DYRK1A: variants seen among roughly 807,000 people sequenced by gnomAD.
DYRK1A encodes the protein dual specificity tyrosine-phosphorylation-regulated kinase 1A.
A neutral mutation model predicts 79.7 loss-of-function variants in DYRK1A; 9 were observed. That is an observed-to-expected ratio of 0.11 (90% CI 0.07 to 0.20). The LOEUF is 0.20. Ranked by LOEUF, DYRK1A falls within the 10% of genes least tolerant of loss-of-function variation. The pLI is 1.00. For synonymous variants in DYRK1A, 349 were observed against 329.7 expected (o/e 1.06, Z -0.63); for missense variants, 622 against 956.0 (o/e 0.65, Z 4.61).
At chr21:37,422,596 G>T (rs1202226199) in intron 2 of DYRK1A, among the ~76,000 whole-genome samples, 1 of 152,114 alleles carries the variant, frequency 6.6e-6, no homozygotes, top group Non-Finnish European at 1.5e-5. Flanking sequence ...AGGGATGCTG[G>T]AAAGGACACT....
chr21:37,479,521 G>GT (rs1281070490), intron 4 of DYRK1A, among the ~76,000 whole-genome samples: 3 of 145,058 alleles, frequency 2.1e-5, no homozygotes, highest in Admixed American at 1.4e-4. Flanking sequence ...TAGTTTACCA[G>GT]TTACCTGGAC....
chr21:37,514,931 T>C lies in DYRK1A; in HGVS notation c.*2400T>C, dbSNP rs545205302. 6.5e-6 allele frequency: 1 copy of C among 152,678 alleles called. No individual in the cohort carries two copies. The highest frequency in any genetic ancestry group is 1.9e-4 in the East Asian group (1 of 5,176). The allele number at this position is 152,678 out of a possible 1,614,324, so 9.5% of individuals were successfully genotyped here. A position where few individuals can be genotyped will look rare whatever the true frequency, so the allele number is the denominator to read the frequency against. ...TATTTACGTAAAGAAAATCATAAAA[T>C]CCAATGCTTCTGCATACTGTGTTAT... is the stretch of plus-strand genomic sequence containing the variant. On this transcript the variant is annotated 3_prime_UTR_variant, in exon 12 of 12. Coordinates refer to ENST00000647188, the MANE Select transcript of DYRK1A (RefSeq NM_001347721.2).
At position 37,522,731 on chromosome 21, in the gene DYRK1A, T is replaced by A. The variant is rs2053943133; in HGVS notation, c.*10200T>A. On this transcript the variant is annotated 3_prime_UTR_variant, in exon 12 of 12. Coordinates refer to ENST00000647188, the MANE Select transcript of DYRK1A (RefSeq NM_001347721.2). ...GTTTAATTGTGAAACTAGAATCACT[T>A]CCAGGAAGCTCTGAAGAATCAAGTC... The A allele has an allele frequency of 6.6e-6, 1 of 152,254 alleles. No individual in the cohort carries two copies. The highest frequency in any genetic ancestry group is 1.9e-4 in the East Asian group (1 of 5,198). The allele number at this position is 152,254 out of a possible 1,614,324, so 9.4% of individuals were successfully genotyped here.
rs567792694 is a variant in DYRK1A, at chr21:37,368,306, C to A, written c.-77+678C>A. On this transcript the variant is annotated intron_variant, in intron 1 of 11. Transcript: ENST00000647188. ...GAGGAGAGGTGAATTAGAATAGATA[C>A]CTGTGTATCGCCACAAAACTTCACC... Among the ~76,000 whole-genome samples, 27 of 152,324 alleles carry A rather than the reference C, an allele frequency of 1.8e-4. No individual in the cohort carries two copies. The East Asian group carries it at 4.6e-3, about 26-fold the overall frequency.
intron 2 of DYRK1A, among the ~76,000 whole-genome samples, chr21:37,455,095 A>G (rs1008117921): frequency 2.8e-5 from 4 of 143,852 alleles, no homozygotes; most frequent in African/African-American, 5.3e-5. Flanking sequence ...ACAGGCTCCC[A>G]GGACAATTCT....
At chr21:37,397,284 C>A (rs901608968) in intron 1 of DYRK1A, among the ~76,000 whole-genome samples, 2 of 152,160 alleles carry the variant, frequency 1.3e-5, no homozygotes, top group Non-Finnish European at 1.5e-5. Flanking sequence ...TAGTATATTT[C>A]TGGGGACCCT....
At chr21:37,432,228 A>G (rs987818587) in intron 2 of DYRK1A, among the ~76,000 whole-genome samples, 1 of 152,098 alleles carries the variant, frequency 6.6e-6, no homozygotes, top group Non-Finnish European at 1.5e-5. Flanking sequence ...AGAGGATGGC[A>G]CTGTTACCCA....
At position 37,412,410 on chromosome 21, in the gene DYRK1A, C is replaced by T. The variant is rs1460110455; in HGVS notation, c.-76-7889C>T. On this transcript the variant is annotated intron_variant, in intron 1 of 11. Transcript: ENST00000647188. ...TTTAAGCACAGTAGTTCCCAAACTT[C>T]GCTGGGTCCAGGATTCATCTGTAAC... Among the ~76,000 whole-genome samples the T allele has an allele frequency of 3.3e-5, 5 of 152,298 alleles. No homozygotes were observed. In the East Asian group the frequency reaches 7.7e-4, roughly 23 times the overall value.
Position 37,420,484 on chromosome 21 carries a change from TGGG to T in DYRK1A, c.10+104_10+106del, listed in dbSNP as rs143066663. 106,945 of 1,204,212 alleles carry T rather than the reference TGGG, an allele frequency of 0.089. 6,086 individuals are homozygous for T. The highest frequency in any genetic ancestry group is 0.11 in the Non-Finnish European group (87,263 of 819,092). The allele number at this position is 1,204,212 out of a possible 1,614,324, so 74.6% of individuals were successfully genotyped here. On this transcript the variant is annotated intron_variant, in intron 2 of 11. Coordinates refer to ENST00000647188, the MANE Select transcript of DYRK1A (RefSeq NM_001347721.2). ...GAGGTTTCTGATAAATAGCAGTTAG[TGGG>T]GGGAATTGTAGATCAGTAAATGCAA...
intron 2 of DYRK1A, chr21:37,430,451 G>T (rs777600580): frequency 6.2e-6 from 6 of 975,138 alleles, no homozygotes; most frequent in Non-Finnish European, 7.3e-6. Flanking sequence ...TGTTCAACTT[G>T]CACTAGGATA....
At chr21:37,394,479 C>G (rs1425218961) in intron 1 of DYRK1A, among the ~76,000 whole-genome samples, 1 of 152,078 alleles carries the variant, frequency 6.6e-6, no homozygotes. Flanking sequence ...GCAGGGGTCT[C>G]CAGCCACTGG....
chr21:37,465,798 C>G (rs2052005277), intron 2 of DYRK1A, among the ~76,000 whole-genome samples: 1 of 152,044 alleles, frequency 6.6e-6, no homozygotes, highest in Non-Finnish European at 1.5e-5. Context: ...GAGTGCACCA[C>G]TGCCCTCCAG....
chr21:37,387,593 T>C (rs1332584502), intron 1 of DYRK1A, among the ~76,000 whole-genome samples: 1 of 152,208 alleles, frequency 6.6e-6, no homozygotes, highest in African/African-American at 2.4e-5. Flanking sequence ...AAATTCTTGC[T>C]CTCTGGACCT....
intron 2 of DYRK1A, among the ~76,000 whole-genome samples, chr21:37,425,100 T>A (rs2148438432): frequency 6.6e-6 from 1 of 152,216 alleles, no homozygotes; most frequent in South Asian, 2.1e-4. Flanking sequence ...AGCGAGTAGT[T>A]TTTGTTTAAT....
intron 2 of DYRK1A, among the ~76,000 whole-genome samples, chr21:37,457,465 C>T (rs1006702843): frequency 7.9e-5 from 12 of 152,172 alleles, no homozygotes; most frequent in East Asian, 5.8e-4. Flanking sequence ...TCGAACTCCT[C>T]GCCTCAAGTG....
chr21:37,452,881 G>T (rs2051505137), intron 2 of DYRK1A, among the ~76,000 whole-genome samples: 1 of 151,436 alleles, frequency 6.6e-6, no homozygotes, highest in African/African-American at 2.4e-5. Flanking sequence ...GCGTTGTCTG[G>T]AACAGCACTG....
At chr21:37,417,529 C>CT (rs3216074) in intron 1 of DYRK1A, among the ~76,000 whole-genome samples, 7,097 of 43,678 alleles carry the variant, frequency 0.16, 1,096 homozygotes, top group East Asian at 0.31. Flanking sequence ...TTTTCTTTTT[C>CT]TTTTTTTTTT....
chr21:37,483,147 TAA>T (rs1225749753), intron 5 of DYRK1A, among the ~76,000 whole-genome samples: 1 of 152,182 alleles, frequency 6.6e-6, no homozygotes, highest in Non-Finnish European at 1.5e-5. Flanking sequence ...GGGGAAGTGA[TAA>T]GTGTCCATGA....
intron 2 of DYRK1A, among the ~76,000 whole-genome samples, chr21:37,457,037 C>CTTACTTACTTACTTACTTATTTATTTAT (rs1035437095): frequency 1.7e-5 from 1 of 59,228 alleles, no homozygotes; most frequent in Admixed American, 2.0e-4. Context: ...TACTTACTTA[C>CTTACTTACTTACTTACTTATTTATTTAT]TTATTTATTT....
Sources: allele counts gnomAD v4.1 joint callset (sites outside exome capture counted in the v4.1 genomes callset), GRCh38; gene constraint gnomAD v4.1.1; transcripts MANE v1.5; gene names NCBI Gene and HGNC (gene_info 2026-07-23, HGNC 2026-07-21).